The following GMPS variants were observed in gnomAD, a reference collection of about 807,000 sequenced individuals.
The protein encoded by GMPS is guanosine monophosphate synthase.
GMPS carries 15 observed loss-of-function variants against 77.9 expected under a neutral mutation model. The ratio of observed to expected loss-of-function variants is 0.19; its 90% CI spans 0.13 to 0.30. The LOEUF is 0.30. Ranked by LOEUF, GMPS falls within the 10% of genes least tolerant of loss-of-function variation. GMPS has a pLI of 1.00. For missense variants in GMPS, 590 were observed against 838.8 expected (o/e 0.70, Z 3.66); for synonymous variants, 224 against 275.9 (o/e 0.81, Z 1.86).
At chr3:155,908,502 T>TAGAAGAGGA (rs756237036) in intron 5 of GMPS, among the ~76,000 whole-genome samples, 3 of 152,148 alleles carry the variant, frequency 2.0e-5, no homozygotes, top group Non-Finnish European at 4.4e-5. Context: ...TCTACAGCAG[T>TAGAAGAGGA]AGAAGAGGAA....
chr3:155,934,067 A>G (rs966923203), intron 13 of GMPS, among the ~76,000 whole-genome samples: 1 of 152,190 alleles, frequency 6.6e-6, no homozygotes, highest in Non-Finnish European at 1.5e-5. Context: ...TCTCTCTAGA[A>G]TGATTGTTTC....
At chr3:155,910,136 C>T (rs1754999302) in intron 5 of GMPS, among the ~76,000 whole-genome samples, 1 of 152,006 alleles carries the variant, frequency 6.6e-6, no homozygotes, top group Admixed American at 6.6e-5. Flanking sequence ...GTTCCAGCTA[C>T]TCGGGAGGCT....
intron 8 of GMPS, among the ~76,000 whole-genome samples, chr3:155,914,988 C>T (rs1488037667): frequency 6.6e-6 from 1 of 151,360 alleles, no homozygotes; most frequent in African/African-American, 2.4e-5. Flanking sequence ...CAGGTTGGTC[C>T]GGATCTCCTG....
At chr3:155,890,480 A>G (rs1048404331) in intron 1 of GMPS, among the ~76,000 whole-genome samples, 3 of 152,126 alleles carry the variant, frequency 2.0e-5, no homozygotes, top group Non-Finnish European at 2.9e-5. Context: ...AAATAAAAAA[A>G]TAGTAAAACT....
At position 155,942,315 on chromosome 3, in the gene GMPS, C is replaced by G. The variant is rs1446657269; in HGVS notation, c.*4623C>G. 1.0e-5 allele frequency: 2 copies of G among 190,744 alleles called. No individual in the cohort carries two copies. The highest frequency in any genetic ancestry group is 1.7e-4 in the East Asian group (2 of 11,932). 11.8% of individuals were successfully genotyped at this position (190,744 alleles called of 1,614,324 possible). A position where few individuals can be genotyped will look rare whatever the true frequency, so the allele number is the denominator to read the frequency against. On this transcript the variant is annotated 3_prime_UTR_variant, in exon 16 of 16. Transcript: ENST00000496455. ...GTGTTATACAGGATGGTCTCGATCT[C>G]CCGACCTCATGATCCGCCCGCCTCG...
rs976758441 is a variant in GMPS at position 155,939,192 on chromosome 3, A to C, written c.*1500A>C. 1 of 220,466 alleles carries C rather than the reference A, an allele frequency of 4.5e-6. No homozygotes were observed. The allele number at this position is 220,466 out of a possible 1,614,324, so 13.7% of individuals were successfully genotyped here. A position where few individuals can be genotyped will look rare whatever the true frequency, so the allele number is the denominator to read the frequency against. The stretch of plus-strand genomic sequence containing the variant: ...TTGACTCCTACAAAACTTAAAGGGT[A>C]CATTCTCTATCTGATGAGGAGGTAC... On this transcript the variant is annotated 3_prime_UTR_variant, in exon 16 of 16. Coordinates refer to ENST00000496455, the MANE Select transcript of GMPS (RefSeq NM_003875.3).
At chr3:155,893,422 G>T in intron 1 of GMPS, 96 bp from the exon 2 acceptor site, 1 of 736,826 alleles carries the variant, frequency 1.4e-6, no homozygotes, top group Non-Finnish European at 2.2e-6. Context: ...TCATTCCTAT[G>T]TGTTTTTGGA....
At chr3:155,922,960 G>T (rs1194334670) in intron 11 of GMPS, among the ~76,000 whole-genome samples, 1 of 152,072 alleles carries the variant, frequency 6.6e-6, no homozygotes, top group Non-Finnish European at 1.5e-5. Flanking sequence ...CTTCACCTAG[G>T]TCCCAAAGGA....
In GMPS at chr3:155,870,853, G is replaced by T. The variant is rs1326020121; in HGVS notation, c.-18G>T. 13 of 1,496,328 alleles carry T rather than the reference G, an allele frequency of 8.7e-6. No individual in the cohort carries two copies. The highest frequency in any genetic ancestry group is 1.2e-5 in the Non-Finnish European group (13 of 1,123,328). The allele number at this position is 1,496,328 out of a possible 1,614,324, so 92.7% of individuals were successfully genotyped here. The stretch of plus-strand genomic sequence containing the variant: ...TCGTACTGTCGCCGTCACCGCCGCG[G>T]CTCCGGCCCTGGCCCCGATGGCTCT... On this transcript the variant is annotated 5_prime_UTR_variant, in exon 1 of 16. Coordinates refer to ENST00000496455, the MANE Select transcript of GMPS (RefSeq NM_003875.3).
At chr3:155,897,846 T>G in intron 2 of GMPS, 81 bp from the exon 3 acceptor site, 1 of 731,612 alleles carries the variant, frequency 1.4e-6, no homozygotes, top group South Asian at 1.7e-5. Flanking sequence ...GTTGTTTCCC[T>G]CAGTGGTACA....
rs922106935 is a variant in GMPS at position 155,938,917 on chromosome 3, G to A, written c.*1225G>A. 2.8e-5 allele frequency: 6 copies of A among 216,750 alleles called. No homozygotes were observed. The highest frequency in any genetic ancestry group is 1.4e-4 in the African/African-American group (6 of 44,408). 13.4% of individuals were successfully genotyped at this position (216,750 alleles called of 1,614,324 possible). A position where few individuals can be genotyped will look rare whatever the true frequency, so the allele number is the denominator to read the frequency against. Reference sequence around the variant, plus strand: ...TTCTCTCAGTATTTTAGCTAAGAATGTTACCATATTTTTCTCTTAACAATT... The same window carrying A: ...TTCTCTCAGTATTTTAGCTAAGAATATTACCATATTTTTCTCTTAACAATT... On this transcript the variant is annotated 3_prime_UTR_variant, in exon 16 of 16. Coordinates refer to ENST00000496455, the MANE Select transcript of GMPS (RefSeq NM_003875.3).
At chr3:155,924,204 C>T (rs1187421339) in intron 11 of GMPS, among the ~76,000 whole-genome samples, 1 of 152,118 alleles carries the variant, frequency 6.6e-6, no homozygotes, top group African/African-American at 2.4e-5. Context: ...AAAGAACTGA[C>T]TTGAGGAGAA....
intron 1 of GMPS, among the ~76,000 whole-genome samples, chr3:155,883,486 T>G (rs1042830350): frequency 6.6e-6 from 1 of 152,152 alleles, no homozygotes. Context: ...TTTAGAAAAA[T>G]ACAGCCCTTT....
intron 3 of GMPS, among the ~76,000 whole-genome samples, chr3:155,903,120 ATATCTGTTGT>A (rs1369812494): frequency 6.6e-6 from 1 of 152,218 alleles, no homozygotes; most frequent in Non-Finnish European, 1.5e-5. Context: ...ATATCTTCTG[ATATCTGTTGT>A]GGAACAGATG....
chr3:155,910,605 C>A, intron 5 of GMPS, 87 bp from the exon 6 acceptor site: 7 of 577,272 alleles, frequency 1.2e-5, no homozygotes, highest in South Asian at 9.0e-5. Flanking sequence ...ACCATAGAGG[C>A]AGAGATTGTG....
At chr3:155,875,394 C>T (rs1450342632) in intron 1 of GMPS, among the ~76,000 whole-genome samples, 1 of 151,882 alleles carries the variant, frequency 6.6e-6, no homozygotes, top group East Asian at 1.9e-4. Flanking sequence ...CCGTGCCTGG[C>T]TAACTTTTGT....
chr3:155,937,558 ATGC>A, intron 15 of GMPS, 30 bp from the exon 16 acceptor site: 1 of 909,454 alleles, frequency 1.1e-6, no homozygotes, highest in Non-Finnish European at 1.8e-6. Flanking sequence ...CATGCAGTGG[ATGC>A]TGACTTTTCT....
chr3:155,876,197 C>T lies in GMPS; in HGVS notation c.27+5300C>T, dbSNP rs541571585. 3.3e-5 allele frequency among the ~76,000 whole-genome samples: 5 copies of T among 152,238 alleles called. No individual in the cohort carries two copies. In the South Asian group the frequency reaches 1.0e-3, roughly 32 times the overall value. On this transcript the variant is annotated intron_variant, in intron 1 of 15. Transcript: ENST00000496455. ...TTCCCAGTGACCCAGCTTATAATGG[C>T]CTCGAGGCTCCTGTGCATCTTGCAA...
Position 155,939,824 on chromosome 3 carries a change from C to A in GMPS, c.*2132C>A, listed in dbSNP as rs867199767. On this transcript the variant is annotated 3_prime_UTR_variant, in exon 16 of 16. Coordinates refer to ENST00000496455, the MANE Select transcript of GMPS (RefSeq NM_003875.3). ...TTGCACAGCACTTTTTGCTTTGTGC[C>A]ATATAGCATTACTCTGTACCTTCAC... is the stretch of plus-strand genomic sequence containing the variant. 14 of 200,100 alleles carry A rather than the reference C, an allele frequency of 7.0e-5. No individual in the cohort carries two copies. The Middle Eastern group carries it at 4.8e-3, about 68-fold the overall frequency. 12.4% of individuals were successfully genotyped at this position (200,100 alleles called of 1,614,324 possible). A position where few individuals can be genotyped will look rare whatever the true frequency, so the allele number is the denominator to read the frequency against.
Sources: allele counts gnomAD v4.1 joint callset (sites outside exome capture counted in the v4.1 genomes callset), GRCh38; gene constraint gnomAD v4.1.1; transcripts MANE v1.5; gene names NCBI Gene and HGNC (gene_info 2026-07-23, HGNC 2026-07-21).